ERI2: variants seen among roughly 807,000 people sequenced by gnomAD.
ERI2 encodes the protein ERI1 exoribonuclease family member 2.
ERI2 carries 35 observed loss-of-function variants against 46.8 expected under a neutral mutation model. That is an observed-to-expected ratio of 0.75 (90% CI 0.57 to 0.99). The LOEUF is 0.99. Among genes scored for constraint, ERI2 ranks in the 50% least tolerant of loss-of-function variants. The pLI is 0.00. For missense variants in ERI2, 695 were observed against 796.2 expected (o/e 0.87, Z 1.53); for synonymous variants, 224 against 271.0 (o/e 0.83, Z 1.70).
downstream of ERI2, chr16:20,796,211 G>C (rs2080719784): frequency 1.6e-6 from 2 of 1,265,856 alleles, no homozygotes; most frequent in Non-Finnish European, 2.1e-6. Flanking sequence ...TACAGACCAG[G>C]AAGTGGCTGG....
chr16:20,798,136 T>C lies in ERI2; in HGVS notation c.1664A>G (p.Glu555Gly). ...GGAGCAATCAGATGATGTAGGCTTT[T>C]CTTCATGAATAGTGAAGGGTTGTTT... is the stretch of plus-strand genomic sequence containing the variant. ...AKKQPFTIHE[E>G]KPTSSDCSPV... is the part of the protein sequence containing the mutation. The change falls in exon 9 of 9, where the codon GAA becomes GGA. Residue 555 changes from glutamate to glycine, a missense_variant. Transcript: ENST00000357967. 2.6e-6 allele frequency: 4 copies of C among 1,551,594 alleles called. No homozygotes were observed. The highest frequency in any genetic ancestry group is 3.5e-6 in the Non-Finnish European group (4 of 1,146,924).
chr16:20,803,395 T>C, intron 3 of ERI2, 38 bp downstream of exon 3: 1 of 1,597,556 alleles, frequency 6.3e-7, no homozygotes, highest in South Asian at 1.1e-5. Context: ...AAGTGACTCA[T>C]CTAGTGCCAG....
Position 20,797,996 on chromosome 16 carries a change from T to G in ERI2, c.1804A>C (p.Arg602=). 6.4e-7 allele frequency: 1 copy of G among 1,551,968 alleles called. No homozygotes were observed. Among genetic ancestry groups the G allele is most frequent in the South Asian group, 1.2e-5 (1 of 84,066 alleles). The part of the protein sequence containing the change: ...MTPPLCKCGR[R]SKRLVVSNNG... ...TTAGAAACAACAAGTCTCTTAGATCTCCGACCACACTTGCATAATGGAGGT... is the reference window on the plus strand; with the variant it reads ...TTAGAAACAACAAGTCTCTTAGATCGCCGACCACACTTGCATAATGGAGGT... The change falls in exon 9 of 9, where the codon AGA becomes CGA. Residue 602 remains arginine (R), a synonymous_variant. Transcript: ENST00000357967.
intron 10 of ERI2, chr16:20,786,151 A>T: frequency 1.2e-6 from 2 of 1,609,862 alleles, no homozygotes; most frequent in Non-Finnish European, 1.7e-6. Context: ...CCTGCTTTCG[A>T]TGTTAAGGTT....
downstream of ERI2, among the ~76,000 whole-genome samples, chr16:20,794,272 T>C (rs2080670453): frequency 6.6e-6 from 1 of 152,220 alleles, no homozygotes; most frequent in South Asian, 2.1e-4. Context: ...AACATTGGAA[T>C]GTGAAAGACT....
chr16:20,797,825 C>T lies in ERI2; in HGVS notation c.1975G>A (p.Gly659Arg), dbSNP rs1389381267. The change falls in exon 9 of 9, where the codon GGA becomes AGA. Residue 659 changes from glycine (G) to arginine (R), a missense_variant. By Grantham distance (125) the Gly-to-Arg change is moderately radical (BLOSUM62 -2). Transcript: ENST00000357967. ...NSMVPSHSTG[G>R]LTFSSPETSH... ...GTTTCTGGAGAACTAAAAGTGAGTC[C>T]CCCTGTGGAATGAGATGGAACCATG... 6.4e-7 allele frequency: 1 copy of T among 1,551,308 alleles called. No individual in the cohort carries two copies. The highest frequency in any genetic ancestry group is 8.7e-7 in the Non-Finnish European group (1 of 1,146,804).
intron 1 of ERI2, chr16:20,806,079 C>T (rs2080865614): frequency 2.4e-6 from 3 of 1,253,042 alleles, no homozygotes; most frequent in African/African-American, 1.6e-5. Context: ...CTGCCTGAGA[C>T]CTCCAACCAG....
intron 3 of ERI2, 96 bp downstream of exon 3, chr16:20,803,337 C>G (rs1441986245): frequency 3.6e-6 from 5 of 1,384,660 alleles, no homozygotes; most frequent in Non-Finnish European, 4.9e-6. Context: ...AATGCATAGA[C>G]CATCCTGTTT....
chr16:20,798,067 G>C lies in ERI2; in HGVS notation c.1733C>G (p.Thr578Ser), dbSNP rs764496201. The C allele has an allele frequency of 6.4e-7, 1 of 1,551,628 alleles. No homozygotes were observed. The highest frequency in any genetic ancestry group is 2.0e-5 in the Admixed American group (1 of 50,996). Residue 578 changes from threonine (T) to serine (S), a missense_variant, in exon 9 of 9, where the codon ACT (threonine) becomes AGT (serine). Transcript: ENST00000357967. Reference sequence around the variant, plus strand: ...TGGCTCTTGTAGGTTAACTGTAGAAGTTAATATAGATGGGAGACGCCTCCA... The same window carrying C: ...TGGCTCTTGTAGGTTAACTGTAGAACTTAATATAGATGGGAGACGCCTCCA... ...SSWRRLPSIL[T>S]STVNLQEPWK...
At position 20,806,434 on chromosome 16, in the gene ERI2, C is replaced by G; in HGVS notation, c.-4G>C. Reference sequence around the variant, plus strand: ...GCGCGAGCCGCTTGGTCGCCATTCCCGACACTCCTTGCTTTTCCAAGTCCA... The same window carrying G: ...GCGCGAGCCGCTTGGTCGCCATTCCGGACACTCCTTGCTTTTCCAAGTCCA... On this transcript the variant is annotated 5_prime_UTR_variant, in exon 1 of 9. Transcript: ENST00000357967. 3.2e-6 allele frequency: 5 copies of G among 1,553,496 alleles called. No homozygotes were observed. Among genetic ancestry groups the G allele is most frequent in the Non-Finnish European group, 3.5e-6 (4 of 1,148,264 alleles).
In ERI2 at chr16:20,798,351, A is replaced by T; in HGVS notation, c.1449T>A (p.Ile483=). 6.4e-7 allele frequency: 1 copy of T among 1,551,502 alleles called. No homozygotes were observed. The highest frequency in any genetic ancestry group is 8.7e-7 in the Non-Finnish European group (1 of 1,146,908). ...GATCTTTGGCTTCTTTTACATTATA[A>T]ATAGTAGTGTGAGGACTCTTGTACA... ...SIVYKSPHTT[I]YNVKEAKDPG... The change falls in exon 9 of 9, where the codon ATT becomes ATA. Residue 483 remains isoleucine, a synonymous_variant. Coordinates refer to ENST00000357967, the MANE Select transcript of ERI2 (RefSeq NM_001142725.2).
chr16:20,796,274 C>T (rs1244716796), downstream of ERI2: 20 of 1,526,218 alleles, frequency 1.3e-5, no homozygotes, highest in Non-Finnish European at 1.5e-5. Flanking sequence ...TGGCCCACCC[C>T]ACCAGGCATG....
chr16:20,786,297 T>A (rs955950148), intron 10 of ERI2: 18 of 1,401,092 alleles, frequency 1.3e-5, no homozygotes, highest in Non-Finnish European at 1.7e-5. Context: ...TTTATAAATA[T>A]GTGAAAATGA....
Position 20,798,725 on chromosome 16 carries a change from T to G in ERI2, c.1075A>C (p.Asn359His), listed in dbSNP as rs946806698. 4 of 1,551,520 alleles carry G rather than the reference T, an allele frequency of 2.6e-6. No individual in the cohort carries two copies. The change falls in exon 9 of 9, where the codon AAT becomes CAT. Residue 359 changes from asparagine (N) to histidine (H), a missense_variant. Physicochemically the swap from Asn to His is moderately conservative, Grantham distance 68. Transcript: ENST00000357967. ...SPIYMQKQGK[N>H]EHLAFNTKSK... is the part of the protein sequence containing the mutation. ...TTGGTATTAAATGCAAGATGTTCAT[T>G]TTTTCCTTGCTTTTGCATATAGATA... is the stretch of plus-strand genomic sequence containing the variant.
chr16:20,793,014 G>C (rs1407186352), downstream of ERI2, among the ~76,000 whole-genome samples: 2 of 152,132 alleles, frequency 1.3e-5, no homozygotes, highest in Admixed American at 1.3e-4. Context: ...TTCTAACACT[G>C]AATCCAAGTT....
In ERI2 at chr16:20,806,257, C is replaced by G. The variant is rs1436998687; in HGVS notation, c.23+151G>C. 5 of 1,419,058 alleles carry G rather than the reference C, an allele frequency of 3.5e-6. No individual in the cohort carries two copies. In the South Asian group the frequency reaches 7.5e-5, roughly 21 times the overall value. The allele number at this position is 1,419,058 out of a possible 1,614,324, so 87.9% of individuals were successfully genotyped here. The stretch of plus-strand genomic sequence containing the variant: ...ACCGAGGTCCAGGGAGGCGCCTTTC[C>G]AACCGTGCCAGAGAGGGCAGGTCGC... On this transcript the variant is annotated intron_variant, in intron 1 of 8. Coordinates refer to ENST00000357967, the MANE Select transcript of ERI2 (RefSeq NM_001142725.2).
At position 20,798,505 on chromosome 16, in the gene ERI2, G is replaced by A. The variant is rs2152494684; in HGVS notation, c.1295C>T (p.Ser432Leu). ...AGAATTAAATGAAATCTCTAAGTCTGAGTCACTAATGGGAACTGTACAGTC... is the reference window on the plus strand; with the variant it reads ...AGAATTAAATGAAATCTCTAAGTCTAAGTCACTAATGGGAACTGTACAGTC... The part of the protein sequence containing the change: ...NVDCTVPISD[S>L]DLEISFNSGE... The change falls in exon 9 of 9, where the codon TCA (serine) becomes TTA (leucine). Residue 432 changes from serine to leucine, a missense_variant. Physicochemically the swap from Ser to Leu is moderately radical, Grantham distance 145. Transcript: ENST00000357967. The A allele has an allele frequency of 6.4e-7, 1 of 1,551,548 alleles. No individual in the cohort carries two copies. Among genetic ancestry groups the A allele is most frequent in the African/African-American group, 1.4e-5 (1 of 73,150 alleles).
chr16:20,793,842 C>T (rs2080660388), downstream of ERI2, among the ~76,000 whole-genome samples: 1 of 152,162 alleles, frequency 6.6e-6, no homozygotes, highest in South Asian at 2.1e-4. Context: ...TCAGTTTTAC[C>T]CACCTAGACA....
intron 10 of ERI2, among the ~76,000 whole-genome samples, chr16:20,781,402 A>T (rs1174965874): frequency 6.6e-6 from 1 of 152,226 alleles, no homozygotes; most frequent in East Asian, 1.9e-4. Flanking sequence ...CAAATAAAAA[A>T]TACCATGTAA....
Sources: gnomAD v4.1 joint callset for allele counts (sites outside exome capture counted in the v4.1 genomes callset) on GRCh38, gnomAD v4.1.1 for gene constraint, MANE v1.5 for transcripts, NCBI Gene and HGNC (gene_info 2026-07-23, HGNC 2026-07-21) for gene names.